DOCK1: variants seen among roughly 807,000 people sequenced by gnomAD.
The protein encoded by DOCK1 is dedicator of cytokinesis protein 1.
Under a neutral mutation model 262.7 loss-of-function variants are expected in DOCK1, and 138 were observed. The ratio of observed to expected loss-of-function variants is 0.53; its 90% CI spans 0.46 to 0.61. The LOEUF is 0.61. Ranked by LOEUF, DOCK1 falls within the 20% of genes least tolerant of loss-of-function variation. The pLI is 0.00. For synonymous variants in DOCK1, 866 were observed against 867.4 expected, an observed-to-expected ratio of 1.00 and a Z score of 0.03; for missense variants, 1,908 against 2,370.7, an observed-to-expected ratio of 0.80 and a Z score of 4.05.
chr10:127,424,770 G>A (rs1045580636), intron 46 of DOCK1, among the ~76,000 whole-genome samples: 2 of 152,112 alleles, frequency 1.3e-5, no homozygotes, highest in Admixed American at 6.5e-5. Flanking sequence ...CTGTCCTTTC[G>A]GTGATAACTG....
chr10:127,267,370 TA>T (rs1360082696), intron 29 of DOCK1, among the ~76,000 whole-genome samples: 1 of 152,238 alleles, frequency 6.6e-6, no homozygotes, highest in Non-Finnish European at 1.5e-5. Flanking sequence ...GCTTAATAAC[TA>T]AAACAAATAA....
intron 29 of DOCK1, among the ~76,000 whole-genome samples, chr10:127,337,899 C>T (rs577338113): frequency 5.9e-5 from 9 of 152,230 alleles, no homozygotes; most frequent in South Asian, 2.1e-4. Context: ...GGGTGATGGG[C>T]GGGAGGTGGT....
chr10:127,438,880 C>T, intron 48 of DOCK1, 147 bp from the exon 49 acceptor site: 1 of 733,948 alleles, frequency 1.4e-6, no homozygotes. Context: ...CATCTGGTGA[C>T]TGTGTATCTG....
chr10:127,129,656 G>T (rs545718268), intron 27 of DOCK1, among the ~76,000 whole-genome samples: 1 of 152,284 alleles, frequency 6.6e-6, no homozygotes, highest in South Asian at 2.1e-4. Flanking sequence ...GAGTCGTGCC[G>T]CAGGTGCACT....
At chr10:126,985,657 T>C (rs1407878464) in intron 4 of DOCK1, among the ~76,000 whole-genome samples, 1 of 152,198 alleles carries the variant, frequency 6.6e-6, no homozygotes, top group Admixed American at 6.5e-5. Context: ...CAGTCGTTGT[T>C]GCAGATCCTC....
chr10:127,366,097 G>A (rs1182347401), intron 33 of DOCK1, among the ~76,000 whole-genome samples: 1 of 151,944 alleles, frequency 6.6e-6, no homozygotes, highest in African/African-American at 2.4e-5. Context: ...CCACAAGAAG[G>A]ACCCACTGTC....
At chr10:127,148,349 C>T (rs1303691495) in intron 27 of DOCK1, among the ~76,000 whole-genome samples, 1 of 152,176 alleles carries the variant, frequency 6.6e-6, no homozygotes, top group Non-Finnish European at 1.5e-5. Flanking sequence ...GGAATTCTAC[C>T]ACTTGACGAG....
At chr10:127,227,623 T>TAATAA (rs2058692590) in intron 27 of DOCK1, among the ~76,000 whole-genome samples, 1 of 152,182 alleles carries the variant, frequency 6.6e-6, no homozygotes, top group Non-Finnish European at 1.5e-5. Context: ...CCTGAAAGGG[T>TAATAA]TCCCTCTGAT....
chr10:127,097,784 TATAAC>T (rs1035119118), intron 23 of DOCK1, among the ~76,000 whole-genome samples: 1 of 152,166 alleles, frequency 6.6e-6, no homozygotes, highest in African/African-American at 2.4e-5. Context: ...TAAGTTCACT[TATAAC>T]TTAATGAACA....
In DOCK1 at chr10:127,041,150, C is replaced by T. The variant is rs1349151074; in HGVS notation, c.2011-1475C>T. ...TGTTGGCCAGGCTGGAGTGCAAAGG[C>T]GCAATCTCAGGATCTTGGCTCACCA... On this transcript the variant is annotated intron_variant, in intron 19 of 51. Coordinates refer to ENST00000623213, the MANE Select transcript of DOCK1 (RefSeq NM_001290223.2). Among the ~76,000 whole-genome samples the T allele has an allele frequency of 1.2e-4, 18 of 152,060 alleles. 1 individual carries two copies. Among genetic ancestry groups the T allele is most frequent in the Admixed American group, 1.0e-3 (16 of 15,252 alleles).
chr10:127,357,446 C>T (rs912186993), intron 32 of DOCK1, among the ~76,000 whole-genome samples: 1 of 152,144 alleles, frequency 6.6e-6, no homozygotes, highest in African/African-American at 2.4e-5. Context: ...TCTGAGGATA[C>T]ACTTGGGTCT....
chr10:127,035,693 A>G (rs1180881064), intron 18 of DOCK1, among the ~76,000 whole-genome samples: 1 of 152,130 alleles, frequency 6.6e-6, no homozygotes, highest in Non-Finnish European at 1.5e-5. Flanking sequence ...AGCCTTTTCC[A>G]TTACTTCACT....
intron 29 of DOCK1, among the ~76,000 whole-genome samples, chr10:127,261,294 T>A: frequency 9.8e-6 from 1 of 101,956 alleles, no homozygotes; most frequent in African/African-American, 3.9e-5. Flanking sequence ...TGTGTGCATG[T>A]GGGTGTGTGT....
intron 27 of DOCK1, chr10:127,137,130 G>A (rs960932933): frequency 1.3e-5 from 2 of 152,610 alleles, no homozygotes; most frequent in Non-Finnish European, 2.9e-5. Context: ...TCCTGACTTT[G>A]GGGGACTCCT....
At chr10:127,173,979 C>A (rs562418489) in intron 27 of DOCK1, among the ~76,000 whole-genome samples, 1 of 152,200 alleles carries the variant, frequency 6.6e-6, no homozygotes, top group African/African-American at 2.4e-5. Context: ...CAGGGCAGGA[C>A]CTGCCCCAGC....
At chr10:127,270,838 C>G (rs1165308201) in intron 29 of DOCK1, among the ~76,000 whole-genome samples, 1 of 152,120 alleles carries the variant, frequency 6.6e-6, no homozygotes, top group East Asian at 1.9e-4. Context: ...TTTTCTTTAT[C>G]CAGTCTGGTG....
At chr10:127,442,017 C>T (rs927538769) in intron 49 of DOCK1, among the ~76,000 whole-genome samples, 5 of 152,112 alleles carry the variant, frequency 3.3e-5, no homozygotes, top group Non-Finnish European at 5.9e-5. Flanking sequence ...GAGAGCCCAG[C>T]GCTTCACCCG....
chr10:127,167,980 A>C (rs2133789748), intron 27 of DOCK1, among the ~76,000 whole-genome samples: 1 of 152,322 alleles, frequency 6.6e-6, no homozygotes, highest in Admixed American at 6.5e-5. Context: ...GTGCAAACAT[A>C]GCCTGAGGAC....
chr10:127,224,330 G>A (rs993293353), intron 27 of DOCK1, among the ~76,000 whole-genome samples: 24 of 152,140 alleles, frequency 1.6e-4, no homozygotes, highest in African/African-American at 5.6e-4. Flanking sequence ...GGAGGCTGAG[G>A]CAGGCAGGTC....
Sources: allele counts gnomAD v4.1 joint callset (sites outside exome capture counted in the v4.1 genomes callset), GRCh38; gene constraint gnomAD v4.1.1; transcripts MANE v1.5; gene names NCBI Gene and HGNC (gene_info 2026-07-23, HGNC 2026-07-21).